The following NRG1 variants were observed in gnomAD, a reference collection of about 807,000 sequenced individuals.
The protein encoded by NRG1 is pro-neuregulin-1, membrane-bound isoform.
A neutral mutation model predicts 63.8 loss-of-function variants in NRG1; 18 were observed. The ratio of observed to expected loss-of-function variants is 0.28; its 90% CI spans 0.19 to 0.42. The LOEUF (loss-of-function observed/expected upper bound fraction) is 0.42, where lower values mean the gene tolerates loss of function less well. Among genes scored for constraint, NRG1 ranks in the 10% least tolerant of loss-of-function variants. The pLI is 1.00. For synonymous variants in NRG1, 302 were observed against 301.3 expected, an observed-to-expected ratio of 1.00 and a Z score of -0.02; for missense variants, 762 against 814.7, an observed-to-expected ratio of 0.94 and a Z score of 0.79.
chr8:31,921,816 G>A (rs1833945362), intron 1 of NRG1, among the ~76,000 whole-genome samples: 1 of 152,190 alleles, frequency 6.6e-6, no homozygotes. Context: ...TTATGGAGAT[G>A]TTGATAGATC....
At chr8:32,000,704 A>G (rs1420778808) in intron 1 of NRG1, among the ~76,000 whole-genome samples, 1 of 152,042 alleles carries the variant, frequency 6.6e-6, no homozygotes, top group Non-Finnish European at 1.5e-5. Flanking sequence ...TTTCAGAGGA[A>G]ACTACATTTG....
intron 1 of NRG1, among the ~76,000 whole-genome samples, chr8:31,690,368 G>T (rs1279523484): frequency 6.6e-6 from 1 of 152,196 alleles, no homozygotes. Flanking sequence ...TTAGGAAGAT[G>T]CTATTTGAGT....
chr8:32,639,959 A>G (rs528134743), intron 5 of NRG1, among the ~76,000 whole-genome samples: 1 of 152,230 alleles, frequency 6.6e-6, no homozygotes, highest in African/African-American at 2.4e-5. Context: ...ATTAAATAAG[A>G]TTGCACATTG....
chr8:32,715,638 G>T (rs922827374), intron 5 of NRG1, among the ~76,000 whole-genome samples: 1 of 74,536 alleles, frequency 1.3e-5, no homozygotes, highest in African/African-American at 6.2e-5. Context: ...AATAAATCAG[G>T]CCCTTTTTTT....
chr8:32,215,396 C>G (rs952833630), intron 1 of NRG1, among the ~76,000 whole-genome samples: 1 of 152,290 alleles, frequency 6.6e-6, no homozygotes, highest in South Asian at 2.1e-4. Context: ...CTGTTAACAC[C>G]TCTGCAGCAG....
chr8:32,251,753 C>T (rs1210292472), intron 1 of NRG1, among the ~76,000 whole-genome samples: 4 of 152,090 alleles, frequency 2.6e-5, no homozygotes, highest in African/African-American at 7.2e-5. Flanking sequence ...TTCAAACCGG[C>T]GTGAGATGGT....
At chr8:31,729,092 G>T (rs961788172) in intron 1 of NRG1, among the ~76,000 whole-genome samples, 1 of 152,046 alleles carries the variant, frequency 6.6e-6, no homozygotes, top group Non-Finnish European at 1.5e-5. Context: ...ACTTATTTAC[G>T]CACAGATTAT....
At chr8:32,758,736 G>A (rs1020610881) in intron 9 of NRG1, among the ~76,000 whole-genome samples, 1 of 152,076 alleles carries the variant, frequency 6.6e-6, no homozygotes, top group African/African-American at 2.4e-5. Flanking sequence ...CTTATCAGTA[G>A]CCTTGTTAGC....
intron 1 of NRG1, chr8:31,641,839 T>C (rs552833146): frequency 6.6e-6 from 1 of 152,012 alleles, no homozygotes; most frequent in South Asian, 2.1e-4. Flanking sequence ...CCAAGCAGAG[T>C]CTGCCTGTGA....
intron 1 of NRG1, among the ~76,000 whole-genome samples, chr8:32,074,567 T>C (rs985915336): frequency 6.6e-6 from 1 of 152,194 alleles, no homozygotes; most frequent in Admixed American, 6.5e-5. Context: ...TCCTCAAGAT[T>C]CTTAGGGCAG....
Position 32,039,553 on chromosome 8 carries a change from T to C in NRG1, c.37+400122T>C, listed in dbSNP as rs552262838. Among the ~76,000 whole-genome samples the C allele has an allele frequency of 2.0e-5, 3 of 152,330 alleles. No individual in the cohort carries two copies. In the East Asian group the frequency reaches 5.8e-4, roughly 29 times the overall value. ...AATGTTTACTATTATTTCTAGGGTTTATGATAAAAGATGGAAAAGAGAGGC... is the reference window on the plus strand; with the variant it reads ...AATGTTTACTATTATTTCTAGGGTTCATGATAAAAGATGGAAAAGAGAGGC... On this transcript the variant is annotated intron_variant, in intron 1 of 10. Coordinates refer to the NRG1 transcript ENST00000519301.
intron 1 of NRG1, among the ~76,000 whole-genome samples, chr8:32,023,719 T>C (rs997925578): frequency 1.3e-5 from 2 of 152,134 alleles, no homozygotes; most frequent in Non-Finnish European, 2.9e-5. Context: ...TGCCTGGCAG[T>C]GGAGAAACCA....
At chr8:32,678,038 A>C (rs1288896452) in intron 5 of NRG1, among the ~76,000 whole-genome samples, 2 of 152,208 alleles carry the variant, frequency 1.3e-5, no homozygotes, top group Non-Finnish European at 2.9e-5. Context: ...TGGTTTTTCT[A>C]CAATGGTTTT....
At chr8:32,473,627 A>C (rs1474905382) in intron 1 of NRG1, among the ~76,000 whole-genome samples, 1 of 152,126 alleles carries the variant, frequency 6.6e-6, no homozygotes, top group Non-Finnish European at 1.5e-5. Flanking sequence ...ATGGTTTATG[A>C]TTTCCGCAGA....
chr8:31,956,463 C>CA (rs113122298), intron 1 of NRG1, among the ~76,000 whole-genome samples: 5,039 of 151,922 alleles, frequency 0.033, 199 homozygotes, highest in African/African-American at 0.095. Context: ...TAAAAAAATA[C>CA]AAAAAAATTA....
In NRG1 at chr8:32,487,769, G is replaced by A. The variant is rs368718649; in HGVS notation, c.38-108059G>A. 2.2e-4 allele frequency among the ~76,000 whole-genome samples: 33 copies of A among 152,252 alleles called. No homozygotes were observed. The East Asian group carries it at 3.3e-3, about 15-fold the overall frequency. On this transcript the variant is annotated intron_variant, in intron 1 of 10. Coordinates refer to the NRG1 transcript ENST00000519301. ...GTGGATCAGAAGCATTTCTCTACAC[G>A]TTAGAGTCTTAAGGATTTTTAAAGA... is the stretch of plus-strand genomic sequence containing the variant.
chr8:31,743,785 C>T (rs1815560602), intron 1 of NRG1, among the ~76,000 whole-genome samples: 1 of 151,930 alleles, frequency 6.6e-6, no homozygotes, highest in Admixed American at 6.6e-5. Context: ...TTCATCTGCC[C>T]AGAATAATAA....
At position 32,077,848 on chromosome 8, in the gene NRG1, G is replaced by A. The variant is rs1419867626; in HGVS notation, c.37+438417G>A. Among the ~76,000 whole-genome samples the A allele has an allele frequency of 2.0e-5, 3 of 152,132 alleles. No homozygotes were observed. In the East Asian group the frequency reaches 5.8e-4, roughly 29 times the overall value. On this transcript the variant is annotated intron_variant, in intron 1 of 10. Coordinates refer to the NRG1 transcript ENST00000519301. ...TGTAATTATGGGAAGCTGAATGTGA[G>A]GCTTGGATGAGGCTTTGTCAGTATC...
At chr8:31,744,301 C>A (rs993172006) in intron 1 of NRG1, among the ~76,000 whole-genome samples, 1 of 152,014 alleles carries the variant, frequency 6.6e-6, no homozygotes, top group East Asian at 1.9e-4. Context: ...AATGATTGAA[C>A]GTCTTTGCTT....
Sources: allele counts gnomAD v4.1 joint callset (sites outside exome capture counted in the v4.1 genomes callset), GRCh38; gene constraint gnomAD v4.1.1; transcripts MANE v1.5; gene names NCBI Gene and HGNC (gene_info 2026-07-23, HGNC 2026-07-21).